The following MALRD1 variants were observed in gnomAD, a reference collection of about 807,000 sequenced individuals.
MALRD1 encodes the protein MAM and LDL-receptor class A domain-containing protein 1.
In MALRD1, 247 loss-of-function variants were observed where a neutral mutation model predicts 242.1. That is an observed-to-expected ratio of 1.02 (90% CI 0.92 to 1.13). MALRD1 has a LOEUF of 1.13. MALRD1 is among the 50% of genes most tolerant of loss of function. The pLI is 0.00. For synonymous variants in MALRD1, 995 were observed against 866.6 expected, an observed-to-expected ratio of 1.15 and a Z score of -2.60; for missense variants, 2,989 against 2,533.1, an observed-to-expected ratio of 1.18 and a Z score of -3.86.
At chr10:19,571,961 A>C (rs1009794565) in intron 33 of MALRD1, among the ~76,000 whole-genome samples, 50 of 152,176 alleles carry the variant, frequency 3.3e-4, no homozygotes, top group African/African-American at 1.2e-3. Context: ...ACTTCATTTC[A>C]ACCTCGTATT....
At chr10:19,625,583 C>T (rs1839617019) in intron 36 of MALRD1, among the ~76,000 whole-genome samples, 1 of 152,084 alleles carries the variant, frequency 6.6e-6, no homozygotes, top group African/African-American at 2.4e-5. Flanking sequence ...AGCTCCACTG[C>T]TAACTAACTC....
At chr10:19,494,158 G>A (rs1837615445) in intron 30 of MALRD1, among the ~76,000 whole-genome samples, 1 of 152,070 alleles carries the variant, frequency 6.6e-6, no homozygotes, top group Non-Finnish European at 1.5e-5. Flanking sequence ...ACCCCAAATC[G>A]TCAACACCAA....
At chr10:19,212,688 A>G (rs1048706508) in intron 18 of MALRD1, among the ~76,000 whole-genome samples, 5 of 37,584 alleles carry the variant, frequency 1.3e-4, no homozygotes, top group African/African-American at 7.6e-4. Context: ...CAAAGTTTAC[A>G]CTATTTTTTT....
chr10:19,303,900 C>A (rs1022803474), intron 21 of MALRD1, among the ~76,000 whole-genome samples: 2 of 151,528 alleles, frequency 1.3e-5, no homozygotes, highest in Non-Finnish European at 3.0e-5. Flanking sequence ...ACTTAAAAGT[C>A]CAGTACCAAA....
At chr10:19,624,403 T>G (rs1839549665) in intron 36 of MALRD1, among the ~76,000 whole-genome samples, 1 of 152,148 alleles carries the variant, frequency 6.6e-6, no homozygotes, top group Non-Finnish European at 1.5e-5. Flanking sequence ...AAAAAATATA[T>G]AGTTATCACT....
intron 28 of MALRD1, among the ~76,000 whole-genome samples, chr10:19,407,053 C>T (rs1275562058): frequency 6.6e-6 from 1 of 152,102 alleles, no homozygotes; most frequent in African/African-American, 2.4e-5. Flanking sequence ...ACTCTTCTAC[C>T]TTTAGTCTTG....
At chr10:19,389,693 G>A (rs1846254715) in intron 28 of MALRD1, 84 bp downstream of exon 28, 2 of 1,379,000 alleles carry the variant, frequency 1.5e-6, no homozygotes, top group Admixed American at 4.9e-5. Context: ...AGGCTGCAGT[G>A]CAGTGGTGCA....
Position 19,352,109 on chromosome 10 carries a change from A to G in MALRD1, c.4253A>G (p.Glu1418Gly). 1 of 1,550,570 alleles carries G rather than the reference A, an allele frequency of 6.4e-7. No individual in the cohort carries two copies. Among genetic ancestry groups the G allele is most frequent in the Non-Finnish European group, 8.7e-7 (1 of 1,146,924 alleles). The change falls in exon 26 of 40, where the codon GAA becomes GGA. Residue 1418 changes from glutamate to glycine, a missense_variant. Coordinates refer to ENST00000454679, the MANE Select transcript of MALRD1 (RefSeq NM_001142308.3). ...AAGGTTCTACTTAACCTCACTGTAG[A>G]ACAAGGCAATTTCTGGCGGAGAGAA... ...QTKVLLNLTVEQGNFWRREEL... is the reference protein window; with the variant it reads ...QTKVLLNLTVGQGNFWRREEL...
chr10:19,205,253 G>A lies in MALRD1; in HGVS notation c.2566G>A (p.Glu856Lys), dbSNP rs569239751. The A allele has an allele frequency of 5.8e-6, 9 of 1,546,692 alleles. No homozygotes were observed. The highest frequency in any genetic ancestry group is 1.7e-4 in the Middle Eastern group (1 of 5,964). Residue 856 changes from glutamate to lysine, a missense_variant, in exon 17 of 40, where the codon GAA (glutamate) becomes AAA (lysine). Physicochemically the swap from Glu to Lys is moderately conservative, Grantham distance 56. Coordinates refer to ENST00000454679, the MANE Select transcript of MALRD1 (RefSeq NM_001142308.3). ...GGATGACTGTGGTGATCGTACTGATGAAGTCAACTGTGGTAAGTTCTTTTT... is the reference window on the plus strand; with the variant it reads ...GGATGACTGTGGTGATCGTACTGATAAAGTCAACTGTGGTAAGTTCTTTTT... ...LVDDCGDRTD[E>K]VNCAPELQCN...
At chr10:19,171,986 A>ATC (rs373788788) in intron 13 of MALRD1, among the ~76,000 whole-genome samples, 8 of 7,638 alleles carry the variant, frequency 1.0e-3, no homozygotes, top group East Asian at 9.8e-3. Flanking sequence ...TATATCATAT[A>ATC]ATATATGTAT....
At chr10:19,094,891 A>G (rs1835965750) in intron 4 of MALRD1, among the ~76,000 whole-genome samples, 1 of 152,194 alleles carries the variant, frequency 6.6e-6, no homozygotes, top group Admixed American at 6.5e-5. Flanking sequence ...TGATAATCTA[A>G]TGATTATTAC....
intron 26 of MALRD1, among the ~76,000 whole-genome samples, chr10:19,371,359 C>T (rs889887767): frequency 6.6e-6 from 1 of 152,144 alleles, no homozygotes; most frequent in Middle Eastern, 3.2e-3. Context: ...ATGTAGTATC[C>T]TTTATCAGTA....
At chr10:19,625,629 G>A (rs1564494435) in intron 36 of MALRD1, among the ~76,000 whole-genome samples, 1 of 152,104 alleles carries the variant, frequency 6.6e-6, no homozygotes, top group African/African-American at 2.4e-5. Flanking sequence ...TCTCTCTAAG[G>A]CCGAAGATGA....
chr10:19,324,689 T>A (rs1843044959), intron 22 of MALRD1, among the ~76,000 whole-genome samples: 1 of 151,890 alleles, frequency 6.6e-6, no homozygotes, highest in Non-Finnish European at 1.5e-5. Context: ...TACCAAGTTA[T>A]TTCTTTCTAC....
chr10:19,163,334 A>C (rs939177820), intron 12 of MALRD1, among the ~76,000 whole-genome samples: 14 of 152,038 alleles, frequency 9.2e-5, no homozygotes, highest in Admixed American at 7.2e-4. Flanking sequence ...AAAAAGAACA[A>C]GATCATGTCT....
chr10:19,734,298 A>G lies in MALRD1; in HGVS notation c.*61A>G, dbSNP rs370355398. 1.2e-4 allele frequency: 161 copies of G among 1,329,466 alleles called. No individual in the cohort carries two copies. In the Middle Eastern group the frequency reaches 1.2e-3, roughly 10 times the overall value. The allele number at this position is 1,329,466 out of a possible 1,614,324, so 82.4% of individuals were successfully genotyped here. ...TTTCTAGAAAATTGAAGTCTCCACAATCTGATAGAAACTCATCTTCTACAA... is the reference window on the plus strand; with the variant it reads ...TTTCTAGAAAATTGAAGTCTCCACAGTCTGATAGAAACTCATCTTCTACAA... On this transcript the variant is annotated 3_prime_UTR_variant, in exon 40 of 40. Coordinates refer to ENST00000454679, the MANE Select transcript of MALRD1 (RefSeq NM_001142308.3).
chr10:19,390,864 A>AT (rs1846309567), intron 28 of MALRD1, among the ~76,000 whole-genome samples: 1 of 152,184 alleles, frequency 6.6e-6, no homozygotes, highest in African/African-American at 2.4e-5. Flanking sequence ...AATAAAATAC[A>AT]TGTTGCAAGA....
At chr10:19,225,389 A>G (rs562436521) in intron 18 of MALRD1, among the ~76,000 whole-genome samples, 18 of 152,060 alleles carry the variant, frequency 1.2e-4, no homozygotes, top group Non-Finnish European at 2.2e-4. Flanking sequence ...GTTTATACTG[A>G]TGTTTGTTAT....
chr10:19,249,099 G>A (rs2131777371), intron 18 of MALRD1, among the ~76,000 whole-genome samples: 1 of 150,402 alleles, frequency 6.6e-6, no homozygotes, highest in East Asian at 1.9e-4. Flanking sequence ...ATATATGTGT[G>A]TATGTGTGTT....
Sources: allele counts gnomAD v4.1 joint callset (sites outside exome capture counted in the v4.1 genomes callset), GRCh38; gene constraint gnomAD v4.1.1; transcripts MANE v1.5; gene names NCBI Gene and HGNC (gene_info 2026-07-23, HGNC 2026-07-21).